SRCAP: variants seen among roughly 807,000 people sequenced by gnomAD.
SRCAP encodes the protein Snf2 related CREBBP activator protein, also known as chromatin remodeling protein SRCAP.
SRCAP carries 46 observed loss-of-function variants against 263.1 expected under a neutral mutation model. The ratio of observed to expected loss-of-function variants is 0.17; its 90% CI spans 0.14 to 0.22. The LOEUF (loss-of-function observed/expected upper bound fraction) is 0.22, where lower values mean the gene tolerates loss of function less well. Among genes scored for constraint, SRCAP ranks in the 10% least tolerant of loss-of-function variants. The probability of loss-of-function intolerance (pLI) is 1.00; values close to 1 mark genes in which losing one functional copy is unlikely to be tolerated. For synonymous variants in SRCAP, 1,813 were observed against 1,662.1 expected (o/e 1.09, Z -2.21); for missense variants, 3,695 against 4,181.9 (o/e 0.88, Z 3.21).
chr16:30,717,912 G>A (rs2052968815), intron 18 of SRCAP, among the ~76,000 whole-genome samples: 1 of 146,222 alleles, frequency 6.8e-6, no homozygotes, highest in Non-Finnish European at 1.5e-5. Context: ...CGGCCCTGCT[G>A]ATTTTTTTTT....
chr16:30,700,983 T>C (rs2052759393), intron 3 of SRCAP, 105 bp downstream of exon 3: 7 of 1,191,450 alleles, frequency 5.9e-6, no homozygotes, highest in Non-Finnish European at 8.6e-6. Context: ...TTTTGGAGAA[T>C]CTTTGGTGCT....
At chr16:30,725,306 C>A in intron 25 of SRCAP, 2 of 866,498 alleles carry the variant, frequency 2.3e-6, no homozygotes, top group Non-Finnish European at 3.3e-6. Context: ...CAGGGGTGAG[C>A]CACCACGCCC....
chr16:30,700,740 G>A lies in SRCAP; in HGVS notation c.-85G>A, dbSNP rs1343348224. 2.2e-6 allele frequency: 3 copies of A among 1,357,698 alleles called. No homozygotes were observed. Among genetic ancestry groups the A allele is most frequent in the East Asian group, 4.7e-5 (2 of 42,568 alleles). The allele number at this position is 1,357,698 out of a possible 1,614,324, so 84.1% of individuals were successfully genotyped here. On this transcript the variant is annotated 5_prime_UTR_variant, in exon 3 of 34. Transcript: ENST00000262518. ...CCAGCTCCCAGCATGCCCTGCAGCC[G>A]GACGCCAGCCCCTCGGCCAGCAGTA...
At chr16:30,734,348 A>C in intron 30 of SRCAP, 148 bp from the exon 31 acceptor site, 1 of 1,269,492 alleles carries the variant, frequency 7.9e-7, no homozygotes. Context: ...TCAAAAAAGA[A>C]AAAACAAAAA....
chr16:30,733,779 C>T lies in SRCAP; in HGVS notation c.6475C>T (p.Arg2159Trp), dbSNP rs2053134308. The T allele has an allele frequency of 4.3e-6, 7 of 1,613,824 alleles. No individual in the cohort carries two copies. The highest frequency in any genetic ancestry group is 2.2e-5 in the South Asian group (2 of 91,056). The change falls in exon 29 of 34, where the codon CGG becomes TGG. Residue 2159 changes from arginine to tryptophan, a missense_variant. Physicochemically the swap from Arg to Trp is moderately radical, Grantham distance 101. Coordinates refer to ENST00000262518, the MANE Select transcript of SRCAP (RefSeq NM_006662.3). This position sits in a 1 kb window ranked among gnomAD's most constrained non-coding sequence, Gnocchi z 5.3. ...CCGCTGTCACCGAATTGGCCAGACC[C>T]GGGATGTCCACATATATAGGTATTG... is the stretch of plus-strand genomic sequence containing the variant. ...QDRCHRIGQT[R>W]DVHIYRLISE...
At chr16:30,709,352 G>C (rs2052863399) in intron 6 of SRCAP, among the ~76,000 whole-genome samples, 161 bp from the exon 7 acceptor site, 1 of 151,760 alleles carries the variant, frequency 6.6e-6, no homozygotes, top group Non-Finnish European at 1.5e-5. Context: ...TGCTCCCTTT[G>C]TGCTTCCTTT....
Position 30,739,409 on chromosome 16 carries a change from T to A in SRCAP, c.9369T>A (p.Arg3123=), listed in dbSNP as rs894735578. The part of the protein sequence containing the change: ...LTPKLRSTRL[R]PGSLVPPLET... ...CAAAACTGCGCTCGACCCGGCTGCG[T>A]CCAGGGTCTCTAGTCCCCCCACTAG... The change falls in exon 34 of 34, where the codon CGT becomes CGA. Residue 3123 remains arginine (R), a synonymous_variant. Transcript: ENST00000262518. 6.2e-7 allele frequency: 1 copy of A among 1,614,186 alleles called. No homozygotes were observed. Among genetic ancestry groups the A allele is most frequent in the African/African-American group, 1.3e-5 (1 of 75,058 alleles).
At chr16:30,705,610 G>A (rs1324714219) in intron 4 of SRCAP, among the ~76,000 whole-genome samples, 1 of 151,730 alleles carries the variant, frequency 6.6e-6, no homozygotes, top group South Asian at 2.1e-4. Context: ...CCATGTTGGC[G>A]GGATGGTCTT....
chr16:30,737,735 G>A lies in SRCAP; in HGVS notation c.7695G>A (p.Glu2565=), dbSNP rs1423000522. 18 of 1,614,206 alleles carry A rather than the reference G, an allele frequency of 1.1e-5. No homozygotes were observed. Among genetic ancestry groups the A allele is most frequent in the Non-Finnish European group, 1.5e-5 (18 of 1,180,042 alleles). Residue 2565 remains glutamate, a synonymous_variant, in exon 34 of 34, where the codon GAG becomes GAA. Coordinates refer to ENST00000262518, the MANE Select transcript of SRCAP (RefSeq NM_006662.3). The part of the protein sequence containing the change: ...AQALASPESL[E]LASVASSETS... ...CATTGGCATCTCCAGAGTCCCTGGA[G>A]CTGGCTTCTGTGGCCAGTTCAGAAA...
At chr16:30,701,365 C>G (rs535187336) in intron 3 of SRCAP, 1 of 152,770 alleles carries the variant, frequency 6.5e-6, no homozygotes, top group Non-Finnish European at 1.5e-5. Flanking sequence ...TTGTGTCATC[C>G]TTGCACAGGG....
Position 30,712,009 on chromosome 16 carries a change from C to G in SRCAP, c.1667C>G (p.Ala556Gly). The change falls in exon 12 of 34, where the codon GCC becomes GGC. Residue 556 changes from alanine (A) to glycine (G), a missense_variant. By Grantham distance (60) the Ala-to-Gly change is moderately conservative. This residue lies in a region of SRCAP where 288 missense variants were observed against 302.4 expected (regional missense o/e 0.95). Coordinates refer to ENST00000262518, the MANE Select transcript of SRCAP (RefSeq NM_006662.3). ...GATTTTGGGGTGGAGTACTTGCTTG[C>G]CAGGGATGAAGAGCAGAGTGAGGCA... is the stretch of plus-strand genomic sequence containing the variant. ...DDDFGVEYLLARDEEQSEADA... is the reference protein window; with the variant it reads ...DDDFGVEYLLGRDEEQSEADA... The G allele has an allele frequency of 6.2e-7, 1 of 1,613,936 alleles. No individual in the cohort carries two copies. Among genetic ancestry groups the G allele is most frequent in the Non-Finnish European group, 8.5e-7 (1 of 1,180,004 alleles).
chr16:30,730,805 T>G (rs1400849651), intron 27 of SRCAP, among the ~76,000 whole-genome samples: 1 of 150,850 alleles, frequency 6.6e-6, no homozygotes, highest in Non-Finnish European at 1.5e-5. Flanking sequence ...GTAGCTGGGA[T>G]TACAGGTGCC....
chr16:30,718,189 TG>T (rs201141291), intron 18 of SRCAP, among the ~76,000 whole-genome samples: 2 of 150,024 alleles, frequency 1.3e-5, no homozygotes, highest in East Asian at 1.9e-4. Context: ...TTTTTTTGGG[TG>T]GGGGGGGCAG....
intron 31 of SRCAP, among the ~76,000 whole-genome samples, chr16:30,735,567 CTTTTTT>C (rs10663863): frequency 2.3e-4 from 16 of 69,596 alleles, no homozygotes; most frequent in South Asian, 1.8e-3. Context: ...TTTGACATTA[CTTTTTT>C]TTTTTTTTTT....
Position 30,704,133 on chromosome 16 carries a change from G to C in SRCAP, c.124G>C (p.Gly42Arg), listed in dbSNP as rs369999790. The C allele has an allele frequency of 6.2e-7, 1 of 1,614,182 alleles. No homozygotes were observed. The highest frequency in any genetic ancestry group is 1.3e-5 in the African/African-American group (1 of 75,042). The change falls in exon 4 of 34, where the codon GGG (glycine) becomes CGG (arginine). Residue 42 changes from glycine to arginine, a missense_variant. This residue lies in a region of SRCAP where 122 missense variants were observed against 116.9 expected (regional missense o/e 1.04). Transcript: ENST00000262518. Reference protein sequence around the residue: ...PASSSSPASSGAGGISPQHIA... With the variant: ...PASSSSPASSRAGGISPQHIA... ...CTCATCCAGTTCCCCAGCCTCTAGTGGGGCAGGCGGCATCTCCCCGCAGCA... is the reference window on the plus strand; with the variant it reads ...CTCATCCAGTTCCCCAGCCTCTAGTCGGGCAGGCGGCATCTCCCCGCAGCA...
At position 30,738,406 on chromosome 16, in the gene SRCAP, G is replaced by A. The variant is rs1361660421; in HGVS notation, c.8366G>A (p.Gly2789Glu). 19 of 1,546,930 alleles carry A rather than the reference G, an allele frequency of 1.2e-5. No individual in the cohort carries two copies. The highest frequency in any genetic ancestry group is 1.6e-5 in the Non-Finnish European group (18 of 1,147,524). ...PGVSETSASPGSPSVRSMSGP... is the reference protein window; with the variant it reads ...PGVSETSASPESPSVRSMSGP... Reference sequence around the variant, plus strand: ...GTCTCTGAGACTAGTGCCAGCCCGGGAAGCCCGTCTGTCCGCAGCATGTCA... The same window carrying A: ...GTCTCTGAGACTAGTGCCAGCCCGGAAAGCCCGTCTGTCCGCAGCATGTCA... Residue 2789 changes from glycine to glutamate, a missense_variant, in exon 34 of 34, where the codon GGA (glycine) becomes GAA (glutamate). By Grantham distance (98) the Gly-to-Glu change is moderately conservative (BLOSUM62 -2). Transcript: ENST00000262518.
chr16:30,720,629 C>G (rs1002712816), intron 19 of SRCAP, 84 bp from the exon 20 acceptor site: 7 of 1,412,326 alleles, frequency 5.0e-6, no homozygotes, highest in East Asian at 2.3e-5. Context: ...ATCTGTCTCT[C>G]TGTTTCATTT....
chr16:30,724,699 C>T lies in SRCAP; in HGVS notation c.5275C>T (p.Pro1759Ser), dbSNP rs1263889163. 1 of 1,613,954 alleles carries T rather than the reference C, an allele frequency of 6.2e-7. No individual in the cohort carries two copies. The highest frequency in any genetic ancestry group is 8.5e-7 in the Non-Finnish European group (1 of 1,180,022). The change falls in exon 25 of 34, where the codon CCA becomes TCA. Residue 1759 changes from proline to serine, a missense_variant. Around this residue, in one of 12 missense-constraint regions of SRCAP, gnomAD observed 1,347 missense variants for 1,304.4 expected, o/e 1.03. Coordinates refer to ENST00000262518, the MANE Select transcript of SRCAP (RefSeq NM_006662.3). ...APAPPLAPAS[P>S]VGPAPAHTLT... ...AGCACCCCCTCTGGCTCCAGCTTCT[C>T]CAGTGGGCCCAGCCCCAGCTCACAC...
intron 3 of SRCAP, among the ~76,000 whole-genome samples, chr16:30,701,623 AT>A (rs1042812066): frequency 7.2e-6 from 1 of 139,832 alleles, no homozygotes; most frequent in African/African-American, 2.7e-5. Context: ...TTTGTTTTCC[AT>A]TTTTTTCTTT....
Sources: gnomAD v4.1 joint callset for allele counts (sites outside exome capture counted in the v4.1 genomes callset) on GRCh38, gnomAD v4.1.1 for gene constraint, gnomAD v4.1.1 regional missense constraint, Gnocchi (gnomAD v3.1) non-coding constraint, MANE v1.5 for transcripts, NCBI Gene and HGNC (gene_info 2026-07-23, HGNC 2026-07-21) for gene names.